The following MAF variants were observed in gnomAD, a reference collection of about 807,000 sequenced individuals.
The protein encoded by MAF is transcription factor Maf.
A neutral mutation model predicts 22.0 loss-of-function variants in MAF; 10 were observed. The observed-to-expected ratio is 0.45, with a 90% CI of 0.28 to 0.77. The LOEUF (loss-of-function observed/expected upper bound fraction) is 0.77. Ranked by LOEUF, MAF falls within the 30% of genes least tolerant of loss-of-function variation. MAF has a pLI of 0.12. For synonymous variants in MAF, 337 were observed against 255.8 expected (o/e 1.32, Z -3.03); for missense variants, 544 against 548.4 (o/e 0.99, Z 0.08).
At chr16:79,413,210 G>GTTTT in the MAF span, among the ~76,000 whole-genome samples, 24 of 63,640 alleles carry the variant, frequency 3.8e-4, 5 homozygotes, top group Non-Finnish European at 6.0e-4. Context: ...GAGCTGTGCA[G>GTTTT]TTTTTTTTTT....
chr16:79,205,887 T>G, the MAF span: 4 of 152,186 alleles, frequency 2.6e-5, no homozygotes, highest in Non-Finnish European at 5.9e-5. Context: ...GCGTGGGAAC[T>G]GATAAGATGG....
At chr16:79,407,341 C>G in the MAF span, among the ~76,000 whole-genome samples, 1 of 152,196 alleles carries the variant, frequency 6.6e-6, no homozygotes, top group Non-Finnish European at 1.5e-5. Context: ...TTTAAGGAAA[C>G]TACCAAAATG....
the MAF span, among the ~76,000 whole-genome samples, chr16:79,391,964 G>A: frequency 6.7e-6 from 1 of 149,312 alleles, no homozygotes; most frequent in Non-Finnish European, 1.5e-5. Context: ...AGGACAAAAG[G>A]GAGAGTAGAG....
the MAF span, among the ~76,000 whole-genome samples, chr16:79,526,510 G>A: frequency 6.6e-6 from 1 of 152,162 alleles, no homozygotes; most frequent in East Asian, 1.9e-4. Flanking sequence ...GGGGGTTAGG[G>A]ACCACTTCCC....
chr16:79,350,896 TGTGTGTGC>T, the MAF span, among the ~76,000 whole-genome samples: 2 of 151,308 alleles, frequency 1.3e-5, no homozygotes, highest in Admixed American at 6.6e-5. Context: ...TGTGTGTGTG[TGTGTGTGC>T]GTGTGAATAC....
chr16:79,443,205 TC>T, the MAF span, among the ~76,000 whole-genome samples: 93 of 152,288 alleles, frequency 6.1e-4, no homozygotes, highest in Non-Finnish European at 1.1e-3. Flanking sequence ...CCTGAAGCTG[TC>T]ACTTTGCTTC....
the MAF span, among the ~76,000 whole-genome samples, chr16:79,560,590 T>A: frequency 2.6e-5 from 4 of 152,126 alleles, no homozygotes; most frequent in Non-Finnish European, 2.9e-5. Flanking sequence ...CTTTTTTTTT[T>A]CTTTCTGAAT....
At chr16:79,233,699 A>T in the MAF span, among the ~76,000 whole-genome samples, 1 of 152,112 alleles carries the variant, frequency 6.6e-6, no homozygotes, top group Non-Finnish European at 1.5e-5. Flanking sequence ...CAGATTCAAG[A>T]ATAAGTATAT....
the MAF span, among the ~76,000 whole-genome samples, chr16:79,378,972 A>T: frequency 6.6e-6 from 1 of 152,256 alleles, no homozygotes; most frequent in South Asian, 2.1e-4. Flanking sequence ...AATTTGGATT[A>T]GAGTAAAATT....
At chr16:79,314,038 G>T in the MAF span, among the ~76,000 whole-genome samples, 3 of 152,300 alleles carry the variant, frequency 2.0e-5, no homozygotes, top group South Asian at 4.1e-4. Flanking sequence ...CTTGCGGCCA[G>T]AATTTTTTGA....
the MAF span, among the ~76,000 whole-genome samples, chr16:79,416,026 T>A: frequency 6.6e-6 from 1 of 152,098 alleles, no homozygotes; most frequent in Non-Finnish European, 1.5e-5. Flanking sequence ...GTGCCGTGTG[T>A]CTGGTTGCGC....
chr16:79,263,412 T>G, the MAF span, among the ~76,000 whole-genome samples: 2 of 152,218 alleles, frequency 1.3e-5, no homozygotes, highest in Non-Finnish European at 2.9e-5. Context: ...AGAGAAGATA[T>G]TATCTTTGTT....
At chr16:79,221,828 T>C in the MAF span, among the ~76,000 whole-genome samples, 1 of 152,188 alleles carries the variant, frequency 6.6e-6, no homozygotes, top group African/African-American at 2.4e-5. Flanking sequence ...AACAGACTAA[T>C]AGATCTGTGA....
At chr16:79,498,721 G>A in the MAF span, among the ~76,000 whole-genome samples, 2 of 152,188 alleles carry the variant, frequency 1.3e-5, no homozygotes, top group African/African-American at 2.4e-5. Context: ...CCATGAGTTT[G>A]TTTCTGGAAT....
the MAF span, among the ~76,000 whole-genome samples, chr16:79,231,235 A>G: frequency 6.6e-6 from 1 of 152,040 alleles, no homozygotes; most frequent in East Asian, 1.9e-4. Flanking sequence ...TCAAGTGCTC[A>G]AAGGCCAGAC....
chr16:79,563,196 G>C, the MAF span, among the ~76,000 whole-genome samples: 13 of 152,144 alleles, frequency 8.5e-5, no homozygotes, highest in African/African-American at 3.1e-4. Context: ...GGCAGGTAAA[G>C]GTTTTCAACT....
At chr16:79,471,889 A>G in the MAF span, among the ~76,000 whole-genome samples, 1 of 152,222 alleles carries the variant, frequency 6.6e-6, no homozygotes, top group Middle Eastern at 3.2e-3. Context: ...TTACCAGGTG[A>G]TATGAGTGAC....
At chr16:79,370,528 G>C in the MAF span, among the ~76,000 whole-genome samples, 1 of 152,162 alleles carries the variant, frequency 6.6e-6, no homozygotes, top group Non-Finnish European at 1.5e-5. Flanking sequence ...AAAGATATGA[G>C]CATCTATAAG....
At chr16:79,208,062 T>C in the MAF span, among the ~76,000 whole-genome samples, 2 of 152,212 alleles carry the variant, frequency 1.3e-5, no homozygotes. Flanking sequence ...GCTGCAAATC[T>C]GACAGATGAT....
Sources: allele counts gnomAD v4.1 joint callset (sites outside exome capture counted in the v4.1 genomes callset), GRCh38; gene constraint gnomAD v4.1.1; transcripts MANE v1.5; gene names NCBI Gene and HGNC (gene_info 2026-07-23, HGNC 2026-07-21).